Variants in CATSPERB observed in about 807,000 individuals in gnomAD.
CATSPERB encodes catsper channel auxiliary subunit beta.
Under a neutral mutation model 128.3 loss-of-function variants are expected in CATSPERB, and 93 were observed. That is an observed-to-expected ratio of 0.72 (90% confidence interval 0.61 to 0.86). CATSPERB has a LOEUF of 0.86. Among genes scored for constraint, CATSPERB ranks in the 40% least tolerant of loss-of-function variants. The pLI, the probability that CATSPERB is intolerant of heterozygous loss-of-function variation, is 0.00. For missense variants in CATSPERB, 1,153 were observed against 1,329.5 expected (o/e 0.87, Z 2.06); for synonymous variants, 381 against 448.8 (o/e 0.85, Z 1.91).
intron 14 of CATSPERB, among the ~76,000 whole-genome samples, chr14:91,666,771 C>A (rs539325424): frequency 6.6e-6 from 1 of 152,162 alleles, no homozygotes; most frequent in African/African-American, 2.4e-5. Context: ...AGATACCAGG[C>A]GCTACTCCTT....
chr14:91,728,989 A>G (rs1272720182), intron 2 of CATSPERB, among the ~76,000 whole-genome samples: 1 of 152,252 alleles, frequency 6.6e-6, no homozygotes, highest in African/African-American at 2.4e-5. Flanking sequence ...GGAAACTTTC[A>G]GAAATAAGCA....
At chr14:91,703,932 T>C (rs565446136) in intron 7 of CATSPERB, among the ~76,000 whole-genome samples, 12 of 152,278 alleles carry the variant, frequency 7.9e-5, no homozygotes, top group Admixed American at 2.0e-4. Context: ...GGCATTTGAA[T>C]TGGGGGACAG....
rs1328753935 is a variant in CATSPERB, at chr14:91,624,909, A to G, written c.1841T>C (p.Leu614Ser). ...ACAAGAGCTCTCATTCACTTCTTCT[A>G]ATCCAAAGGGCTCTTTCATTTCTGC... The part of the protein sequence containing the change: ...VIAEMKEPFG[L>S]EEVNESSCLS... Residue 614 changes from leucine to serine, a missense_variant, in exon 18 of 27, where the codon TTA (leucine) becomes TCA (serine). By Grantham distance (145) the Leu-to-Ser change is moderately radical. Coordinates refer to ENST00000256343, the MANE Select transcript of CATSPERB (RefSeq NM_024764.4). 1 of 1,613,170 alleles carries G rather than the reference A, an allele frequency of 6.2e-7. No individual in the cohort carries two copies. The highest frequency in any genetic ancestry group is 8.5e-7 in the Non-Finnish European group (1 of 1,179,686).
At position 91,726,621 on chromosome 14, in the gene CATSPERB, G is replaced by A. The variant is rs116471700; in HGVS notation, c.80-1453C>T. On this transcript the variant is annotated intron_variant, in intron 2 of 26. Coordinates refer to ENST00000256343, the MANE Select transcript of CATSPERB (RefSeq NM_024764.4). ...GGCTCTCAGCAAAAAGAATTTGAAG[G>A]CATAGACAAAGAAATAAGTGACCAG... 5.2e-3 allele frequency among the ~76,000 whole-genome samples: 788 copies of A among 152,260 alleles called. 7 individuals are homozygous for A. Among genetic ancestry groups the A allele is most frequent in the African/African-American group, 0.018 (736 of 41,550 alleles).
chr14:91,675,852 C>T (rs1285240440), intron 11 of CATSPERB, among the ~76,000 whole-genome samples: 3 of 152,162 alleles, frequency 2.0e-5, no homozygotes, highest in Non-Finnish European at 4.4e-5. Flanking sequence ...CAAAGTACTT[C>T]TCAGAGCTGT....
chr14:91,724,147 A>G lies in CATSPERB; in HGVS notation c.168+933T>C, dbSNP rs1209721387. ...ATAAACGTTAGCTATCACTTCTAAT[A>G]CTACTGCTGCTAGAACTACTATACT... On this transcript the variant is annotated intron_variant, in intron 3 of 26. Transcript: ENST00000256343. Among the ~76,000 whole-genome samples, 4 of 152,190 alleles carry G rather than the reference A, an allele frequency of 2.6e-5. No individual in the cohort carries two copies. In the East Asian group the frequency reaches 7.7e-4, roughly 29 times the overall value.
intron 10 of CATSPERB, among the ~76,000 whole-genome samples, chr14:91,685,876 G>C (rs1175227508): frequency 1.3e-5 from 2 of 152,214 alleles, no homozygotes; most frequent in Non-Finnish European, 2.9e-5. Context: ...GGCTGAAGCA[G>C]TAAGCATTTT....
At chr14:91,707,642 A>T (rs1406316875) in intron 6 of CATSPERB, among the ~76,000 whole-genome samples, 1 of 122,242 alleles carries the variant, frequency 8.2e-6, no homozygotes, top group Non-Finnish European at 1.6e-5. Flanking sequence ...TCTGTTGCCC[A>T]GGCTGGAATA....
At chr14:91,694,924 G>A (rs939516209) in intron 7 of CATSPERB, among the ~76,000 whole-genome samples, 4 of 152,076 alleles carry the variant, frequency 2.6e-5, no homozygotes, top group East Asian at 1.9e-4. Flanking sequence ...GCAATCTAAC[G>A]CATATACTTT....
chr14:91,643,384 C>T (rs1441394531), intron 15 of CATSPERB, among the ~76,000 whole-genome samples: 3 of 126,192 alleles, frequency 2.4e-5, no homozygotes, highest in African/African-American at 8.9e-5. Context: ...GCCTTGAATG[C>T]GTCCCAGAGA....
intron 26 of CATSPERB, among the ~76,000 whole-genome samples, chr14:91,585,311 TC>T (rs1893279422): frequency 6.6e-6 from 1 of 152,164 alleles, no homozygotes. Flanking sequence ...CCAGTCTTTT[TC>T]TCCTCTCCTT....
chr14:91,647,055 C>G (rs1314640345), intron 15 of CATSPERB, among the ~76,000 whole-genome samples: 2 of 152,166 alleles, frequency 1.3e-5, no homozygotes, highest in Non-Finnish European at 2.9e-5. Context: ...CTCATCTCTA[C>G]TAAAAATACA....
At position 91,669,980 on chromosome 14, in the gene CATSPERB, AAC is replaced by A; in HGVS notation, c.1129-10_1129-9del. Reference sequence around the variant, plus strand: ...AATGGCAGTTTTCCTGACCTAGGTAAACAAAGAATGAGCAAGTCATAAGACTA... The same window carrying A: ...AATGGCAGTTTTCCTGACCTAGGTAAAAAGAATGAGCAAGTCATAAGACTA... On this transcript the variant is annotated splice_polypyrimidine_tract_variant and intron_variant, in intron 13 of 26. Transcript: ENST00000256343. 1 of 1,608,986 alleles carries A rather than the reference AAC, an allele frequency of 6.2e-7. No homozygotes were observed. The highest frequency in any genetic ancestry group is 8.5e-7 in the Non-Finnish European group (1 of 1,178,386).
chr14:91,602,628 T>C (rs1315592069), intron 22 of CATSPERB, among the ~76,000 whole-genome samples: 1 of 151,748 alleles, frequency 6.6e-6, no homozygotes, highest in Admixed American at 6.6e-5. Context: ...TTGAATATTT[T>C]GGTAACAAAT....
At chr14:91,652,079 A>T (rs1324314307) in intron 15 of CATSPERB, among the ~76,000 whole-genome samples, 4 of 152,232 alleles carry the variant, frequency 2.6e-5, no homozygotes, top group Non-Finnish European at 5.9e-5. Context: ...ATAAAAGGAA[A>T]GATTGGTCAA....
intron 22 of CATSPERB, among the ~76,000 whole-genome samples, chr14:91,598,558 T>A (rs1704661): frequency 0.73 from 111,400 of 152,068 alleles, 41,258 homozygotes; most frequent in East Asian, 0.97. Context: ...TAACTGAGAC[T>A]GTCAGAAAAG....
intron 14 of CATSPERB, among the ~76,000 whole-genome samples, chr14:91,663,600 GCACCA>G (rs1262015155): frequency 1.1e-3 from 144 of 133,698 alleles, no homozygotes; most frequent in African/African-American, 4.1e-3. Flanking sequence ...AGCCGAGATC[GCACCA>G]CTGCACTCCA....
chr14:91,692,175 CAAAAAAAAA>C (rs748422210), intron 9 of CATSPERB, among the ~76,000 whole-genome samples: 1 of 55,510 alleles, frequency 1.8e-5, no homozygotes, highest in Non-Finnish European at 3.7e-5. Context: ...GACTCAGTCT[CAAAAAAAAA>C]AAAAAAAAAA....
rs562811090 is a variant in CATSPERB at position 91,708,668 on chromosome 14, A to C, written c.371-432T>G. 1.3e-4 allele frequency among the ~76,000 whole-genome samples: 20 copies of C among 152,338 alleles called. No homozygotes were observed. In the East Asian group the frequency reaches 3.7e-3, roughly 28 times the overall value. Reference sequence around the variant, plus strand: ...TCATAGAAAAGAATTAATATGAATGAAGACAGAAAAAGAGGAGAAAAGCAA... The same window carrying C: ...TCATAGAAAAGAATTAATATGAATGCAGACAGAAAAAGAGGAGAAAAGCAA... On this transcript the variant is annotated intron_variant, in intron 5 of 26. Transcript: ENST00000256343.
Sources: gnomAD v4.1 joint callset for allele counts (sites outside exome capture counted in the v4.1 genomes callset) on GRCh38, gnomAD v4.1.1 for gene constraint, MANE v1.5 for transcripts, NCBI Gene and HGNC (gene_info 2026-07-23, HGNC 2026-07-21) for gene names.